PRKG1: variants seen among roughly 807,000 people sequenced by gnomAD.
PRKG1 encodes cGMP-dependent protein kinase 1.
A neutral mutation model predicts 88.1 loss-of-function variants in PRKG1; 35 were observed. The observed-to-expected ratio is 0.40, with a 90% CI of 0.30 to 0.53. The LOEUF (loss-of-function observed/expected upper bound fraction) is 0.53, where lower values mean the gene tolerates loss of function less well. PRKG1 is among the 20% of genes least tolerant of loss of function. The pLI is 0.59. For synonymous variants in PRKG1, 303 were observed against 292.5 expected, an observed-to-expected ratio of 1.04 and a Z score of -0.37; for missense variants, 540 against 839.8, an observed-to-expected ratio of 0.64 and a Z score of 4.41.
chr10:51,173,414 G>GTGTGTGTGTGTGTGTATT, intron 2 of PRKG1, among the ~76,000 whole-genome samples: 1 of 150,944 alleles, frequency 6.6e-6, no homozygotes, highest in African/African-American at 2.4e-5. Context: ...GTTGGGCAGT[G>GTGTGTGTGTGTGTGTATT]TGTGTGTGTG....
chr10:52,257,504 CAG>C (rs889699415), intron 10 of PRKG1, among the ~76,000 whole-genome samples: 1 of 139,906 alleles, frequency 7.1e-6, no homozygotes, highest in African/African-American at 2.5e-5. Flanking sequence ...AGCAATGAAA[CAG>C]AATAGCTATG....
At chr10:51,503,387 A>G (rs1432115777) in intron 3 of PRKG1, among the ~76,000 whole-genome samples, 1 of 152,168 alleles carries the variant, frequency 6.6e-6, no homozygotes, top group African/African-American at 2.4e-5. Context: ...CAACTCTTCA[A>G]AGAAAACCCC....
intron 4 of PRKG1, among the ~76,000 whole-genome samples, chr10:51,901,240 C>T (rs1589404132): frequency 6.6e-6 from 1 of 152,162 alleles, no homozygotes; most frequent in East Asian, 1.9e-4. Flanking sequence ...GTGTTCATTG[C>T]CACATATTCA....
At chr10:51,567,312 C>G (rs987865524) in intron 3 of PRKG1, among the ~76,000 whole-genome samples, 1 of 152,024 alleles carries the variant, frequency 6.6e-6, no homozygotes, top group African/African-American at 2.4e-5. Flanking sequence ...AAGAAAGCCT[C>G]CAAGGATCAC....
At chr10:52,172,033 AC>A (rs1838708733) in intron 9 of PRKG1, among the ~76,000 whole-genome samples, 1 of 150,350 alleles carries the variant, frequency 6.7e-6, no homozygotes, top group African/African-American at 2.5e-5. Flanking sequence ...CGATCTCCTG[AC>A]CTCATGATCC....
chr10:51,212,468 G>C (rs1206504796), intron 2 of PRKG1, among the ~76,000 whole-genome samples: 2 of 152,132 alleles, frequency 1.3e-5, no homozygotes, highest in African/African-American at 4.8e-5. Context: ...TGACAAATGG[G>C]ATCTAATTAA....
At chr10:52,233,872 A>G (rs555567038) in intron 9 of PRKG1, among the ~76,000 whole-genome samples, 16,754 of 151,924 alleles carry the variant, frequency 0.11, 1,475 homozygotes, top group African/African-American at 0.24. Context: ...GGCACAGACA[A>G]ACAAAAAGAC....
At chr10:51,759,092 A>G (rs553311439) in intron 3 of PRKG1, among the ~76,000 whole-genome samples, 2 of 152,186 alleles carry the variant, frequency 1.3e-5, no homozygotes, top group African/African-American at 4.8e-5. Flanking sequence ...TATCAAATCT[A>G]TCATTGATGA....
chr10:51,510,225 G>A (rs1841352524), intron 3 of PRKG1, among the ~76,000 whole-genome samples: 1 of 151,878 alleles, frequency 6.6e-6, no homozygotes, highest in Non-Finnish European at 1.5e-5. Context: ...AATAAATATA[G>A]TATATATTTA....
At chr10:51,920,313 C>T (rs968045106) in intron 5 of PRKG1, among the ~76,000 whole-genome samples, 1 of 152,130 alleles carries the variant, frequency 6.6e-6, no homozygotes, top group Non-Finnish European at 1.5e-5. Context: ...AAGAAAGAAA[C>T]TTTTGTAGAA....
chr10:52,194,570 T>C (rs971148761), intron 9 of PRKG1, among the ~76,000 whole-genome samples: 1 of 152,190 alleles, frequency 6.6e-6, no homozygotes, highest in Non-Finnish European at 1.5e-5. Context: ...ACACAGCTAA[T>C]GTTTTCTCGC....
intron 1 of PRKG1, among the ~76,000 whole-genome samples, chr10:51,048,667 A>G (rs1843521035): frequency 6.6e-6 from 1 of 152,170 alleles, no homozygotes; most frequent in South Asian, 2.1e-4. Flanking sequence ...AGAGACTAAA[A>G]GCATTAGTAT....
intron 3 of PRKG1, among the ~76,000 whole-genome samples, chr10:51,731,389 G>T (rs1028850488): frequency 1.3e-5 from 2 of 152,262 alleles, no homozygotes; most frequent in East Asian, 1.9e-4. Flanking sequence ...AAACAAAGTG[G>T]TGTCTGTATT....
Position 51,277,061 on chromosome 10 carries a change from A to C in PRKG1, c.478+123731A>C, listed in dbSNP as rs553446810. Among the ~76,000 whole-genome samples, 7 of 152,144 alleles carry C rather than the reference A, an allele frequency of 4.6e-5. No homozygotes were observed. The East Asian group carries it at 9.6e-4, about 21-fold the overall frequency. On this transcript the variant is annotated intron_variant, in intron 2 of 17. Transcript: ENST00000373980. ...CATGCCTATGTCCTGAATGGTATTGACTAAGTTTTCTTCTAGGGTTTTTAT... is the reference window on the plus strand; with the variant it reads ...CATGCCTATGTCCTGAATGGTATTGCCTAAGTTTTCTTCTAGGGTTTTTAT...
chr10:51,009,850 A>G (rs1842973626), intron 1 of PRKG1, among the ~76,000 whole-genome samples: 1 of 152,208 alleles, frequency 6.6e-6, no homozygotes, highest in Admixed American at 6.5e-5. Context: ...AATCTGCCAG[A>G]ACATTCATGC....
chr10:51,011,538 T>C (rs1842994184), intron 1 of PRKG1, among the ~76,000 whole-genome samples: 1 of 152,230 alleles, frequency 6.6e-6, no homozygotes, highest in African/African-American at 2.4e-5. Flanking sequence ...TTAGGATTTG[T>C]CTATAAGTAA....
At chr10:51,072,852 C>T (rs897753889), upstream of PRKG1, among the ~76,000 whole-genome samples, 2 of 152,176 alleles carry the variant, frequency 1.3e-5, no homozygotes, top group African/African-American at 4.8e-5. Flanking sequence ...CTTCCTCTGT[C>T]TCTAGCTTAA....
At chr10:52,253,062 T>C (rs11001376) in intron 10 of PRKG1, among the ~76,000 whole-genome samples, 8,428 of 152,114 alleles carry the variant, frequency 0.055, 308 homozygotes, top group South Asian at 0.19. Flanking sequence ...CTCCCTGCCA[T>C]ACAGGATTTA....
intron 7 of PRKG1, among the ~76,000 whole-genome samples, chr10:52,129,869 A>G (rs1319090452): frequency 6.6e-6 from 1 of 152,206 alleles, no homozygotes; most frequent in Non-Finnish European, 1.5e-5. Context: ...AGGTTATTCA[A>G]CATTTTAATG....
Sources: allele counts gnomAD v4.1 joint callset (sites outside exome capture counted in the v4.1 genomes callset), GRCh38; gene constraint gnomAD v4.1.1; transcripts MANE v1.5; gene names NCBI Gene and HGNC (gene_info 2026-07-23, HGNC 2026-07-21).